CAPN3: variants seen among roughly 807,000 people sequenced by gnomAD.
The protein encoded by CAPN3 is calpain 3, also known as calpain-3.
A neutral mutation model predicts 114.0 loss-of-function variants in CAPN3; 88 were observed. That is an observed-to-expected ratio of 0.77 (90% CI 0.65 to 0.92). CAPN3 has a LOEUF of 0.92. Ranked by LOEUF, CAPN3 falls within the 40% of genes least tolerant of loss-of-function variation. The pLI, the probability that CAPN3 is intolerant of heterozygous loss-of-function variation, is 0.00. For synonymous variants in CAPN3, 386 were observed against 382.9 expected, an observed-to-expected ratio of 1.01 and a Z score of -0.09; for missense variants, 1,028 against 1,069.0, an observed-to-expected ratio of 0.96 and a Z score of 0.53.
intron 14 of CAPN3, chr15:42,404,410 T>C (rs1368575399): frequency 4.4e-6 from 2 of 456,434 alleles, no homozygotes; most frequent in Non-Finnish European, 8.8e-6. Flanking sequence ...GCAAGGTTGC[T>C]GAGAGGTAGA....
At chr15:42,384,945 C>T (rs776701814) in intron 2 of CAPN3, among the ~76,000 whole-genome samples, 2 of 152,202 alleles carry the variant, frequency 1.3e-5, no homozygotes, top group African/African-American at 2.4e-5. Context: ...CAAAAGGCAT[C>T]GCCAAGGAAA....
Position 42,399,670 on chromosome 15 carries a change from T to TG in CAPN3, c.1354+24dup, listed in dbSNP as rs1387578322. 3.8e-6 allele frequency: 6 copies of TG among 1,584,332 alleles called. No individual in the cohort carries two copies. The highest frequency in any genetic ancestry group is 3.6e-5 in the Admixed American group (2 of 55,216). On this transcript the variant is annotated intron_variant, in intron 10 of 23. Transcript: ENST00000397163. ...CTTCCCAGGTGGGAGATGCTCTTGA[T>TG]GGGGGGAGGGTCTAAGCCGAAAAAG... is the stretch of plus-strand genomic sequence containing the variant.
chr15:42,368,704 A>G (rs1426385423), intron 1 of CAPN3, among the ~76,000 whole-genome samples: 1 of 152,224 alleles, frequency 6.6e-6, no homozygotes, highest in Non-Finnish European at 1.5e-5. Context: ...ATGAGTATTG[A>G]CTATACTTCA....
intron 16 of CAPN3, 52 bp downstream of exon 16, chr15:42,408,376 C>G (rs1405778933): frequency 8.7e-7 from 1 of 1,146,422 alleles, no homozygotes; most frequent in South Asian, 1.2e-5. Context: ...CAGGGGCTTC[C>G]TATGCGCTTG....
At chr15:42,385,523 T>TATACAC (rs1262337396) in intron 2 of CAPN3, among the ~76,000 whole-genome samples, 231 of 149,580 alleles carry the variant, frequency 1.5e-3, no homozygotes, top group African/African-American at 5.4e-3. Context: ...TATATATATA[T>TATACAC]ACACACACAG....
Position 42,412,217 on chromosome 15 carries a change from A to G in CAPN3, c.*444A>G, listed in dbSNP as rs2054282224. The G allele has an allele frequency of 2.0e-6, 3 of 1,531,876 alleles. No individual in the cohort carries two copies. The highest frequency in any genetic ancestry group is 2.6e-6 in the Non-Finnish European group (3 of 1,143,534). The allele number at this position is 1,531,876 out of a possible 1,614,324, so 94.9% of individuals were successfully genotyped here. A position where few individuals can be genotyped will look rare whatever the true frequency, so the allele number is the denominator to read the frequency against. On this transcript the variant is annotated 3_prime_UTR_variant, in exon 24 of 24. Transcript: ENST00000397163. Reference sequence around the variant, plus strand: ...GGTTCTACTGCTGTGGGGTAAACTAACTCAGTGGAATAGGGCTGGTTACTT... The same window carrying G: ...GGTTCTACTGCTGTGGGGTAAACTAGCTCAGTGGAATAGGGCTGGTTACTT...
rs2054264216 is a variant in CAPN3 at position 42,411,913 on chromosome 15, C to T, written c.*140C>T. Reference sequence around the variant, plus strand: ...AGGCACCTCATCAGTCATGCTCCTCCTCCATTTTACCCCCTACCCATCCTT... The same window carrying T: ...AGGCACCTCATCAGTCATGCTCCTCTTCCATTTTACCCCCTACCCATCCTT... On this transcript the variant is annotated 3_prime_UTR_variant, in exon 24 of 24. Transcript: ENST00000397163. 3 of 1,561,514 alleles carry T rather than the reference C, an allele frequency of 1.9e-6. No individual in the cohort carries two copies. Among genetic ancestry groups the T allele is most frequent in the Non-Finnish European group, 2.6e-6 (3 of 1,152,192 alleles).
At chr15:42,405,153 C>T (rs1040837510) in intron 14 of CAPN3, among the ~76,000 whole-genome samples, 17 of 152,160 alleles carry the variant, frequency 1.1e-4, no homozygotes, top group African/African-American at 4.1e-4. Context: ...GGGCAGCCTG[C>T]CACAGCTGGG....
chr15:42,392,775 T>C, intron 7 of CAPN3, 53 bp downstream of exon 7: 1 of 1,476,354 alleles, frequency 6.8e-7, no homozygotes. Flanking sequence ...GTTAACCTCA[T>C]GAAGTCAGGA....
intron 14 of CAPN3, 166 bp downstream of exon 14, chr15:42,403,943 A>G: frequency 1.4e-6 from 1 of 736,478 alleles, no homozygotes; most frequent in African/African-American, 1.7e-5. Flanking sequence ...TGGCATGGCC[A>G]GAAGTAATCG....
At chr15:42,400,164 C>G (rs987927258) in intron 10 of CAPN3, among the ~76,000 whole-genome samples, 2 of 152,206 alleles carry the variant, frequency 1.3e-5, no homozygotes, top group African/African-American at 4.8e-5. Context: ...ATGTGCATCT[C>G]TTTCACATTG....
intron 10 of CAPN3, among the ~76,000 whole-genome samples, chr15:42,400,323 C>T (rs2141195685): frequency 6.6e-6 from 1 of 152,266 alleles, no homozygotes; most frequent in South Asian, 2.1e-4. Flanking sequence ...AAGTCAGTAG[C>T]AGCAGAGATG....
rs1392805773 is a variant in CAPN3, at chr15:42,392,732, G to C, written c.1029+10G>C. ...CACGGGGCTGGATGAGGTAAGCCTG[G>C]TGGGGCTTGGTGGGGCAAGGGCACC... On this transcript the variant is annotated intron_variant, in intron 7 of 23. Coordinates refer to ENST00000397163, the MANE Select transcript of CAPN3 (RefSeq NM_000070.3). 3 of 1,609,174 alleles carry C rather than the reference G, an allele frequency of 1.9e-6. No homozygotes were observed. The highest frequency in any genetic ancestry group is 1.3e-5 in the African/African-American group (1 of 74,762).
chr15:42,370,399 G>A (rs1216227693), intron 1 of CAPN3, among the ~76,000 whole-genome samples: 1 of 152,184 alleles, frequency 6.6e-6, no homozygotes, highest in Non-Finnish European at 1.5e-5. Context: ...GAGGGAGGGG[G>A]CTGAATCACA....
intron 21 of CAPN3, 42 bp downstream of exon 21, chr15:42,410,708 G>C: frequency 6.5e-7 from 1 of 1,541,272 alleles, no homozygotes. Flanking sequence ...GACCCGAGAC[G>C]GTGGGAGCAG....
Position 42,410,444 on chromosome 15 carries a change from A to C in CAPN3, c.2132A>C (p.Lys711Thr), listed in dbSNP as rs2054177662. The C allele has an allele frequency of 6.2e-7, 1 of 1,614,018 alleles. No homozygotes were observed. The highest frequency in any genetic ancestry group is 1.3e-5 in the African/African-American group (1 of 74,904). Residue 711 changes from lysine to threonine, a missense_variant, in exon 20 of 24, where the codon AAG (lysine) becomes ACG (threonine). Physicochemically the swap from Lys to Thr is moderately conservative, Grantham distance 78. Coordinates refer to ENST00000397163, the MANE Select transcript of CAPN3 (RefSeq NM_000070.3). ...CTCCTCCAGACAGATGGCTCTGGAA[A>C]GCTCAACCTGCAGGAGTTCCACCAC... Reference protein sequence around the residue: ...IALMDTDGSGKLNLQEFHHLW... With the variant: ...IALMDTDGSGTLNLQEFHHLW...
rs772488221 is a variant in CAPN3, at chr15:42,401,621, C to T, written c.1355-20C>T. 2.5e-6 allele frequency: 4 copies of T among 1,614,002 alleles called. No individual in the cohort carries two copies. In the South Asian group the frequency reaches 4.4e-5, roughly 18 times the overall value. ...TCTGAGAGGCAGCTGTGAATGCGTG[C>T]TTCCTTTCTGGGGGTGCAGATACTT... On this transcript the variant is annotated intron_variant, in intron 10 of 23. Coordinates refer to ENST00000397163, the MANE Select transcript of CAPN3 (RefSeq NM_000070.3).
chr15:42,407,332 TA>T (rs1412883986), intron 15 of CAPN3, among the ~76,000 whole-genome samples: 2 of 147,530 alleles, frequency 1.4e-5, no homozygotes, highest in Admixed American at 1.4e-4. Context: ...CCAGAGAGGA[TA>T]TTTTTGGTTT....
intron 19 of CAPN3, 98 bp downstream of exon 19, chr15:42,410,093 T>G: frequency 3.6e-6 from 4 of 1,110,416 alleles, no homozygotes; most frequent in Non-Finnish European, 4.1e-6. Flanking sequence ...CCCTAATTTG[T>G]GCCCAGGGAA....
Sources: gnomAD v4.1 joint callset for allele counts (sites outside exome capture counted in the v4.1 genomes callset) on GRCh38, gnomAD v4.1.1 for gene constraint, MANE v1.5 for transcripts, NCBI Gene and HGNC (gene_info 2026-07-23, HGNC 2026-07-21) for gene names.